Variants in PRKN observed in about 807,000 individuals in gnomAD.
PRKN encodes the protein E3 ubiquitin-protein ligase parkin.
PRKN carries 56 observed loss-of-function variants against 59.5 expected under a neutral mutation model. That is an observed-to-expected ratio of 0.94 (90% CI 0.76 to 1.18). The LOEUF (loss-of-function observed/expected upper bound fraction) is 1.18, where lower values mean the gene tolerates loss of function less well. Ranked by LOEUF, PRKN falls within the 50% of genes most tolerant of loss-of-function variation. PRKN has a pLI of 0.00. For synonymous variants in PRKN, 250 were observed against 222.1 expected (o/e 1.13, Z -1.12); for missense variants, 657 against 596.4 (o/e 1.10, Z -1.06).
At position 161,378,694 on chromosome 6, in the gene PRKN, T is replaced by G. The variant is rs1785836010; in HGVS notation, c.1167+8100A>C. On this transcript the variant is annotated intron_variant, in intron 10 of 11. Transcript: ENST00000366898. This position sits in a 1 kb window ranked among gnomAD's most constrained non-coding sequence, Gnocchi z 7.3. ...ACACATCCTACTGCCCAGAAGCTGT[T>G]GACCTGATGAGACGGATGGACCAGG... 6.6e-6 allele frequency among the ~76,000 whole-genome samples: 1 copy of G among 152,184 alleles called. No individual in the cohort carries two copies. The highest frequency in any genetic ancestry group is 6.5e-5 in the Admixed American group (1 of 15,286).
Position 162,727,756 on chromosome 6 carries a change from G to GAGGATTTAACCCAGGAGA in PRKN, c.-89_-88insTCTCCTGGGTTAAATCCT. ...GCGCCTCCCACCAGCGGCTCTCCTG[G>GAGGATTTAACCCAGGAGA]GTTAAATCCTCCAGGCCTCCCCGCC... is the stretch of plus-strand genomic sequence containing the variant. On this transcript the variant is annotated 5_prime_UTR_variant, in exon 1 of 12. Coordinates refer to ENST00000366898, the MANE Select transcript of PRKN (RefSeq NM_004562.3). 1 of 1,393,400 alleles carries GAGGATTTAACCCAGGAGA rather than the reference G, an allele frequency of 7.2e-7. No individual in the cohort carries two copies. Among genetic ancestry groups the GAGGATTTAACCCAGGAGA allele is most frequent in the Non-Finnish European group, 9.9e-7 (1 of 1,005,758 alleles). The allele number at this position is 1,393,400 out of a possible 1,614,324, so 86.3% of individuals were successfully genotyped here. A position where few individuals can be genotyped will look rare whatever the true frequency, so the allele number is the denominator to read the frequency against.
chr6:162,336,419 T>G (rs987944455), intron 2 of PRKN, among the ~76,000 whole-genome samples: 5 of 152,082 alleles, frequency 3.3e-5, no homozygotes, highest in Admixed American at 1.3e-4. Context: ...CTTTACAATT[T>G]TAAAACTTAA....
At chr6:161,889,628 G>T (rs1298177696) in intron 6 of PRKN, among the ~76,000 whole-genome samples, 2 of 152,198 alleles carry the variant, frequency 1.3e-5, no homozygotes, top group Non-Finnish European at 2.9e-5. Context: ...GAAGAGTTTT[G>T]AATCCTGGTT....
intron 2 of PRKN, among the ~76,000 whole-genome samples, chr6:162,430,109 G>A (rs1789435922): frequency 6.6e-6 from 1 of 152,060 alleles, no homozygotes; most frequent in Admixed American, 6.6e-5. Flanking sequence ...ACTCAGCCTA[G>A]GGGAGCAGAC....
intron 2 of PRKN, among the ~76,000 whole-genome samples, chr6:162,288,841 C>T (rs147004968): frequency 2.6e-4 from 39 of 152,320 alleles, no homozygotes; most frequent in African/African-American, 7.9e-4. Flanking sequence ...CTGAGGAAGG[C>T]TGAAGCCCCT....
intron 2 of PRKN, among the ~76,000 whole-genome samples, chr6:162,371,979 G>T (rs1350867047): frequency 1.3e-5 from 2 of 152,134 alleles, no homozygotes; most frequent in Non-Finnish European, 2.9e-5. Context: ...GCACCTTCTT[G>T]ACAGAAGTGC....
intron 6 of PRKN, among the ~76,000 whole-genome samples, chr6:161,821,066 A>T (rs1792003092): frequency 6.6e-6 from 1 of 152,144 alleles, no homozygotes; most frequent in Admixed American, 6.5e-5. Flanking sequence ...TATGGTTCAT[A>T]GCAGTGAATG....
At chr6:161,781,847 C>G (rs1222263560) in intron 7 of PRKN, among the ~76,000 whole-genome samples, 1 of 152,156 alleles carries the variant, frequency 6.6e-6, no homozygotes, top group Non-Finnish European at 1.5e-5. Context: ...TAAAAAGAAA[C>G]ATACAGCCAA....
At chr6:162,660,077 T>C (rs1233885090) in intron 1 of PRKN, among the ~76,000 whole-genome samples, 3 of 152,286 alleles carry the variant, frequency 2.0e-5, no homozygotes, top group Admixed American at 6.5e-5. Context: ...TACTAGAATG[T>C]TGAAAGAACA....
rs1352481887 is a variant in PRKN, at chr6:162,010,409, A to G, written c.619-36992T>C. On this transcript the variant is annotated intron_variant, in intron 5 of 11. Transcript: ENST00000366898. ...AATATATAAATAATATACATTTATT[A>G]TATGTAATATACATTTATAATATGT... 4.7e-5 allele frequency among the ~76,000 whole-genome samples: 3 copies of G among 64,234 alleles called. 1 individual carries two copies. The highest frequency in any genetic ancestry group is 1.5e-4 in the African/African-American group (2 of 13,262). 42.1% of individuals were successfully genotyped at this position (64,234 alleles called of 152,430 possible).
At position 161,399,038 on chromosome 6, in the gene PRKN, A is replaced by G. The variant is rs1786909047; in HGVS notation, c.1084-12161T>C. Among the ~76,000 whole-genome samples the G allele has an allele frequency of 6.6e-6, 1 of 152,186 alleles. No homozygotes were observed. The highest frequency in any genetic ancestry group is 2.1e-4 in the South Asian group (1 of 4,830). On this transcript the variant is annotated intron_variant, in intron 9 of 11. Coordinates refer to ENST00000366898, the MANE Select transcript of PRKN (RefSeq NM_004562.3). The surrounding 1 kb of genome is among the most constrained non-coding windows in gnomAD (Gnocchi z 4.4). ...ATATAAACTCCAAACCCCAGGCTCC[A>G]TGAGCAGAAGAGCAGCAGAGGAGAG...
chr6:162,455,258 C>T (rs571950646), intron 1 of PRKN, among the ~76,000 whole-genome samples: 30 of 152,008 alleles, frequency 2.0e-4, no homozygotes, highest in Non-Finnish European at 3.7e-4. Flanking sequence ...TTCATCCACA[C>T]ATCCACATAG....
chr6:161,350,936 TAA>T (rs1316098803), intron 11 of PRKN, among the ~76,000 whole-genome samples: 1 of 83,880 alleles, frequency 1.2e-5, no homozygotes. Context: ...AAAATATATA[TAA>T]ATATATTTTA....
Position 162,514,257 on chromosome 6 carries a change from T to C in PRKN, c.8-70784A>G, listed in dbSNP as rs1016464904. On this transcript the variant is annotated intron_variant, in intron 1 of 11. Coordinates refer to ENST00000366898, the MANE Select transcript of PRKN (RefSeq NM_004562.3). Reference sequence around the variant, plus strand: ...TTGGTTGGTTAGTTTTTACCTTCCATCTTGTTGAAATTGACTTTTTTTTTT... The same window carrying C: ...TTGGTTGGTTAGTTTTTACCTTCCACCTTGTTGAAATTGACTTTTTTTTTT... 1.3e-5 allele frequency among the ~76,000 whole-genome samples: 2 copies of C among 149,182 alleles called. 1 individual carries two copies. Among genetic ancestry groups the C allele is most frequent in the Non-Finnish European group, 3.0e-5 (2 of 67,200 alleles).
At chr6:161,786,248 G>A (rs911087293) in intron 6 of PRKN, among the ~76,000 whole-genome samples, 14 of 151,988 alleles carry the variant, frequency 9.2e-5, no homozygotes, top group African/African-American at 3.1e-4. Context: ...CCATCTGCTT[G>A]TATATATTTC....
chr6:162,457,436 C>T (rs1790933134), intron 1 of PRKN, among the ~76,000 whole-genome samples: 1 of 152,092 alleles, frequency 6.6e-6, no homozygotes, highest in African/African-American at 2.4e-5. Flanking sequence ...ATAATCTGAC[C>T]ATACTGCAAC....
At chr6:162,593,806 C>G (rs1781395134) in intron 1 of PRKN, among the ~76,000 whole-genome samples, 1 of 152,108 alleles carries the variant, frequency 6.6e-6, no homozygotes, top group African/African-American at 2.4e-5. Context: ...GCTAATGTCG[C>G]TTTTGTTAAG....
chr6:161,457,851 G>GA lies in PRKN; in HGVS notation c.1084-70975dup, dbSNP rs1170456904. Among the ~76,000 whole-genome samples, 1 of 152,228 alleles carries GA rather than the reference G, an allele frequency of 6.6e-6. No homozygotes were observed. Among genetic ancestry groups the GA allele is most frequent in the African/African-American group, 2.4e-5 (1 of 41,460 alleles). On this transcript the variant is annotated intron_variant, in intron 9 of 11. Transcript: ENST00000366898. The surrounding 1 kb of genome is among the most constrained non-coding windows in gnomAD (Gnocchi z 5.0). The stretch of plus-strand genomic sequence containing the variant: ...TAGATGACCGCACATGTAAGTTAAA[G>GA]AAATAGTGGCCTTCTTTTGTCTTTC...
intron 1 of PRKN, among the ~76,000 whole-genome samples, chr6:162,629,955 A>G (rs1255925851): frequency 6.6e-6 from 1 of 152,190 alleles, no homozygotes; most frequent in Non-Finnish European, 1.5e-5. Flanking sequence ...CTTTCATTAC[A>G]TTCTACTTCT....
Sources: gnomAD v4.1 joint callset for allele counts (sites outside exome capture counted in the v4.1 genomes callset) on GRCh38, gnomAD v4.1.1 for gene constraint, Gnocchi (gnomAD v3.1) non-coding constraint, MANE v1.5 for transcripts, NCBI Gene and HGNC (gene_info 2026-07-23, HGNC 2026-07-21) for gene names.